TMEM117: variants seen among roughly 807,000 people sequenced by gnomAD.
TMEM117 encodes transmembrane protein 117.
Under a neutral mutation model 52.4 loss-of-function variants are expected in TMEM117, and 27 were observed. The ratio of observed to expected loss-of-function variants is 0.51; its 90% CI spans 0.38 to 0.71. The LOEUF is 0.71. TMEM117 is among the 30% of genes least tolerant of loss of function. TMEM117 has a pLI of 0.00. For synonymous variants in TMEM117, 215 were observed against 206.3 expected, an observed-to-expected ratio of 1.04 and a Z score of -0.36; for missense variants, 556 against 630.5, an observed-to-expected ratio of 0.88 and a Z score of 1.26.
chr12:44,023,179 A>G (rs1342720442), intron 3 of TMEM117, among the ~76,000 whole-genome samples: 1 of 152,180 alleles, frequency 6.6e-6, no homozygotes, highest in Non-Finnish European at 1.5e-5. Context: ...GCTGCATAGT[A>G]TTCCATGGTG....
At chr12:43,898,380 TTAATTAATAATATATTAA>T (rs899983618) in intron 2 of TMEM117, among the ~76,000 whole-genome samples, 1 of 140,454 alleles carries the variant, frequency 7.1e-6, no homozygotes, top group African/African-American at 2.6e-5. Flanking sequence ...ATAATATATA[TTAATTAATAATATATTAA>T]TAATTAATAA....
At chr12:44,132,365 T>G (rs983145297) in intron 3 of TMEM117, among the ~76,000 whole-genome samples, 1 of 152,062 alleles carries the variant, frequency 6.6e-6, no homozygotes, top group Admixed American at 6.6e-5. Flanking sequence ...ATATCCCATC[T>G]AAGTTAGGTG....
chr12:44,102,968 T>TGTTTGCTTCCCCTTC (rs1947888431), intron 3 of TMEM117, among the ~76,000 whole-genome samples: 1 of 152,012 alleles, frequency 6.6e-6, no homozygotes, highest in Admixed American at 6.6e-5. Context: ...AAGAAGGACA[T>TGTTTGCTTCCCCTTC]GTTTGCTTCC....
At chr12:44,081,746 T>C (rs889549564) in intron 3 of TMEM117, among the ~76,000 whole-genome samples, 1 of 152,068 alleles carries the variant, frequency 6.6e-6, no homozygotes, top group Non-Finnish European at 1.5e-5. Flanking sequence ...TCTAAGTTAG[T>C]AAACAAATAA....
intron 2 of TMEM117, among the ~76,000 whole-genome samples, chr12:43,924,758 A>G (rs1944750900): frequency 1.3e-5 from 2 of 152,190 alleles, no homozygotes; most frequent in South Asian, 4.1e-4. Context: ...ATTATAGAGC[A>G]CAAAGTTATT....
At chr12:43,798,722 C>A in the TMEM117 span, 1 of 995,044 alleles carries the variant, frequency 1.0e-6, no homozygotes, top group South Asian at 1.8e-5. Context: ...TGATATTCAA[C>A]CATTCTCCAG....
chr12:44,160,723 G>T (rs1329378762), intron 4 of TMEM117, among the ~76,000 whole-genome samples: 2 of 152,126 alleles, frequency 1.3e-5, no homozygotes, highest in East Asian at 3.9e-4. Context: ...GATCGCTTGT[G>T]CCTAGGAGTT....
chr12:44,185,456 A>G (rs185950921), intron 4 of TMEM117, among the ~76,000 whole-genome samples: 1 of 152,344 alleles, frequency 6.6e-6, no homozygotes, highest in East Asian at 1.9e-4. Flanking sequence ...TCTTCTAAGA[A>G]GAGCTAGTCT....
At chr12:44,323,533 A>T (rs1195573559) in intron 6 of TMEM117, among the ~76,000 whole-genome samples, 1 of 152,090 alleles carries the variant, frequency 6.6e-6, no homozygotes, top group African/African-American at 2.4e-5. Flanking sequence ...TTGAGGTTTT[A>T]GGGTTTTTTC....
chr12:44,183,374 G>A lies in TMEM117; in HGVS notation c.511-27916G>A, dbSNP rs573812536. On this transcript the variant is annotated intron_variant, in intron 4 of 7. Coordinates refer to ENST00000266534, the MANE Select transcript of TMEM117 (RefSeq NM_032256.3). Reference sequence around the variant, plus strand: ...CTTACTTTGCATAGCTGTTAATTGAGAATACTTACATTTTTAGGTGACATG... The same window carrying A: ...CTTACTTTGCATAGCTGTTAATTGAAAATACTTACATTTTTAGGTGACATG... Among the ~76,000 whole-genome samples the A allele has an allele frequency of 2.8e-4, 42 of 152,224 alleles. 3 individuals carry two copies. The South Asian group carries it at 8.7e-3, about 32-fold the overall frequency.
chr12:44,046,151 T>G (rs1160974759), intron 3 of TMEM117, among the ~76,000 whole-genome samples: 1 of 152,204 alleles, frequency 6.6e-6, no homozygotes, highest in Non-Finnish European at 1.5e-5. Flanking sequence ...GTCACCCCAG[T>G]GATCCACTCG....
the TMEM117 span, among the ~76,000 whole-genome samples, chr12:43,821,733 C>A: frequency 1.3e-5 from 2 of 152,092 alleles, no homozygotes; most frequent in Non-Finnish European, 2.9e-5. Context: ...TGAATAAGCC[C>A]GTCTTTCATG....
At chr12:44,151,334 T>A (rs1183276697) in intron 4 of TMEM117, among the ~76,000 whole-genome samples, 1 of 151,818 alleles carries the variant, frequency 6.6e-6, no homozygotes, top group African/African-American at 2.4e-5. Context: ...CGCACCTTTT[T>A]TTTTTGATGG....
chr12:44,138,547 C>T (rs1461156275), intron 3 of TMEM117, among the ~76,000 whole-genome samples: 1 of 152,132 alleles, frequency 6.6e-6, no homozygotes, highest in Non-Finnish European at 1.5e-5. Flanking sequence ...CTCCCGTCTT[C>T]TTAGATATGT....
At chr12:43,958,890 T>A (rs1270024471) in intron 3 of TMEM117, among the ~76,000 whole-genome samples, 1 of 152,118 alleles carries the variant, frequency 6.6e-6, no homozygotes, top group East Asian at 1.9e-4. Flanking sequence ...CACTGCAAGC[T>A]CCGCCTCCCG....
chr12:43,962,945 A>G (rs1464118193), intron 3 of TMEM117, among the ~76,000 whole-genome samples: 1 of 151,994 alleles, frequency 6.6e-6, no homozygotes, highest in Non-Finnish European at 1.5e-5. Context: ...AAAAAAAAAA[A>G]AAATTAGGAG....
intron 5 of TMEM117, among the ~76,000 whole-genome samples, chr12:44,212,155 G>A (rs534904959): frequency 5.9e-5 from 9 of 152,270 alleles, no homozygotes; most frequent in African/African-American, 2.2e-4. Flanking sequence ...ACTGCAGTCT[G>A]AAAATATTAA....
At chr12:44,316,320 A>G (rs1389336699) in intron 6 of TMEM117, among the ~76,000 whole-genome samples, 1 of 151,916 alleles carries the variant, frequency 6.6e-6, no homozygotes, top group East Asian at 1.9e-4. Flanking sequence ...AAAACATTGT[A>G]TTTTTACTTT....
intron 2 of TMEM117, among the ~76,000 whole-genome samples, chr12:43,892,575 A>G (rs1373135054): frequency 6.6e-6 from 1 of 152,224 alleles, no homozygotes; most frequent in African/African-American, 2.4e-5. Context: ...TTTTCTAAGG[A>G]CAGCAATTTA....
Sources: allele counts gnomAD v4.1 joint callset (sites outside exome capture counted in the v4.1 genomes callset), GRCh38; gene constraint gnomAD v4.1.1; transcripts MANE v1.5; gene names NCBI Gene and HGNC (gene_info 2026-07-23, HGNC 2026-07-21).